The following FOXJ3 variants were observed in gnomAD, a reference collection of about 807,000 sequenced individuals.
FOXJ3 encodes the protein forkhead box J3.
Under a neutral mutation model 76.1 loss-of-function variants are expected in FOXJ3, and 22 were observed. The observed-to-expected ratio is 0.29, with a 90% CI of 0.21 to 0.41. The LOEUF is 0.41. Among genes scored for constraint, FOXJ3 ranks in the 10% least tolerant of loss-of-function variants. The pLI is 1.00. For missense variants in FOXJ3, 613 were observed against 762.1 expected, an observed-to-expected ratio of 0.80 and a Z score of 2.30; for synonymous variants, 269 against 261.2, an observed-to-expected ratio of 1.03 and a Z score of -0.29.
At chr1:42,251,361 A>G (rs1330614525) in intron 4 of FOXJ3, among the ~76,000 whole-genome samples, 1 of 152,216 alleles carries the variant, frequency 6.6e-6, no homozygotes, top group Admixed American at 6.5e-5. Flanking sequence ...CATACCCAGA[A>G]AAAAGTATAC....
chr1:42,254,792 C>G, intron 4 of FOXJ3, among the ~76,000 whole-genome samples: 1 of 140,650 alleles, frequency 7.1e-6, no homozygotes, highest in Non-Finnish European at 1.5e-5. Context: ...GGAAGGGGAA[C>G]ATCACACTCT....
At chr1:42,319,848 G>GA (rs1032838081) in intron 1 of FOXJ3, among the ~76,000 whole-genome samples, 1 of 152,074 alleles carries the variant, frequency 6.6e-6, no homozygotes, top group African/African-American at 2.4e-5. Flanking sequence ...AACAACTCTA[G>GA]AAAAAACAAT....
rs74795534 is a variant in FOXJ3, at chr1:42,285,680, G to T, written c.45-7008C>A. Among the ~76,000 whole-genome samples the T allele has an allele frequency of 2.8e-3, 422 of 151,270 alleles. 5 individuals carry two copies. In the East Asian group the frequency reaches 0.035, roughly 13 times the overall value. ...GATAGTGGACAAGGTAAGATTCCTT[G>T]AAAGACCATAAAGGACAATGAAAAT... is the stretch of plus-strand genomic sequence containing the variant. On this transcript the variant is annotated intron_variant, in intron 2 of 12. Coordinates refer to ENST00000361346, the MANE Select transcript of FOXJ3 (RefSeq NM_014947.5).
chr1:42,287,164 C>G (rs904509723), intron 2 of FOXJ3, among the ~76,000 whole-genome samples: 3 of 151,282 alleles, frequency 2.0e-5, no homozygotes, highest in African/African-American at 4.9e-5. Flanking sequence ...CATGGTGAAA[C>G]CCGATCTCTA....
rs1351192002 is a variant in FOXJ3 at position 42,191,426 on chromosome 1, G to A, written c.1228C>T (p.Leu410Phe). 3 of 1,612,128 alleles carry A rather than the reference G, an allele frequency of 1.9e-6. No homozygotes were observed. Among genetic ancestry groups the A allele is most frequent in the Admixed American group, 1.7e-5 (1 of 60,000 alleles). Residue 410 changes from leucine (L) to phenylalanine (F), a missense_variant, in exon 9 of 13, where the codon CTC becomes TTC. Physicochemically the swap from Leu to Phe is conservative, Grantham distance 22 (BLOSUM62 0). This residue lies in a region of FOXJ3 where 526 missense variants were observed against 601.4 expected (regional missense o/e 0.87). Transcript: ENST00000361346. Reference protein sequence around the residue: ...PAPHPQQHSQLQSPHPQHPSP... With the variant: ...PAPHPQQHSQFQSPHPQHPSP... Reference sequence around the variant, plus strand: ...GGATGCTGGGGGTGAGGGGACTGGAGCTGGCTGTGTTGCTGTGGGTGTGGT... The same window carrying A: ...GGATGCTGGGGGTGAGGGGACTGGAACTGGCTGTGTTGCTGTGGGTGTGGT...
intron 4 of FOXJ3, 192 bp downstream of exon 4, chr1:42,264,923 A>G (rs1651352148): frequency 1.7e-6 from 1 of 574,496 alleles, no homozygotes; most frequent in Admixed American, 3.6e-5. Flanking sequence ...GTACAACAGC[A>G]CTGTGGTGTG....
At chr1:42,292,719 G>A (rs1653521852) in intron 2 of FOXJ3, among the ~76,000 whole-genome samples, 2 of 152,176 alleles carry the variant, frequency 1.3e-5, no homozygotes, top group Admixed American at 1.3e-4. Context: ...CCACATTGAT[G>A]TGGTGATGAT....
chr1:42,330,420 T>G (rs1656088109), intron 1 of FOXJ3, among the ~76,000 whole-genome samples: 1 of 152,154 alleles, frequency 6.6e-6, no homozygotes, highest in Admixed American at 6.5e-5. Flanking sequence ...GGCGGATCAC[T>G]TGAGCCCGGG....
chr1:42,255,469 G>A (rs1156340275), intron 4 of FOXJ3, among the ~76,000 whole-genome samples: 1 of 152,044 alleles, frequency 6.6e-6, no homozygotes, highest in African/African-American at 2.4e-5. Flanking sequence ...AAGAACAAAA[G>A]AAAAACAAAC....
chr1:42,192,605 A>C (rs1646571634), intron 8 of FOXJ3, among the ~76,000 whole-genome samples: 1 of 152,236 alleles, frequency 6.6e-6, no homozygotes, highest in Non-Finnish European at 1.5e-5. Flanking sequence ...GATTAAGCCA[A>C]AAATGTTTAA....
chr1:42,258,849 A>G (rs1166194081), intron 4 of FOXJ3, among the ~76,000 whole-genome samples: 1 of 152,216 alleles, frequency 6.6e-6, no homozygotes, highest in African/African-American at 2.4e-5. Context: ...TATCATAACG[A>G]ATTCCCAAGA....
At chr1:42,260,264 G>A (rs1650933574) in intron 4 of FOXJ3, among the ~76,000 whole-genome samples, 1 of 151,886 alleles carries the variant, frequency 6.6e-6, no homozygotes, top group South Asian at 2.1e-4. Flanking sequence ...ACCAAAATGG[G>A]ATACCAGAGA....
At chr1:42,207,932 C>A (rs1646892457) in intron 5 of FOXJ3, among the ~76,000 whole-genome samples, 1 of 152,220 alleles carries the variant, frequency 6.6e-6, no homozygotes, top group Non-Finnish European at 1.5e-5. Context: ...TAAGTTAACA[C>A]AGAAGATTAC....
At chr1:42,325,437 G>C (rs1332230999) in intron 1 of FOXJ3, among the ~76,000 whole-genome samples, 2 of 152,160 alleles carry the variant, frequency 1.3e-5, no homozygotes, top group African/African-American at 4.8e-5. Flanking sequence ...GGACATCTCT[G>C]ATTTTTCTCC....
At chr1:42,319,809 G>C (rs1000984907) in intron 1 of FOXJ3, among the ~76,000 whole-genome samples, 3 of 152,058 alleles carry the variant, frequency 2.0e-5, no homozygotes. Flanking sequence ...AACAGGAAAG[G>C]GTGAGTAAAA....
At chr1:42,252,781 T>C (rs1029352900) in intron 4 of FOXJ3, among the ~76,000 whole-genome samples, 5 of 152,218 alleles carry the variant, frequency 3.3e-5, no homozygotes, top group Non-Finnish European at 7.3e-5. Flanking sequence ...TAAATTTCCC[T>C]CTACACATTT....
chr1:42,194,226 C>T (rs1247184510), intron 8 of FOXJ3, among the ~76,000 whole-genome samples: 1 of 152,210 alleles, frequency 6.6e-6, no homozygotes, highest in East Asian at 1.9e-4. Flanking sequence ...TCTGACAATT[C>T]ATCTCTGGGG....
intron 7 of FOXJ3, among the ~76,000 whole-genome samples, chr1:42,197,100 G>C (rs761398371): frequency 1.4e-4 from 22 of 152,102 alleles, no homozygotes; most frequent in African/African-American, 4.3e-4. Flanking sequence ...TCTTTCTCTT[G>C]CCTTCACATA....
chr1:42,199,388 G>C (rs1474274054), intron 6 of FOXJ3, among the ~76,000 whole-genome samples, 158 bp from the exon 7 acceptor site: 2 of 152,074 alleles, frequency 1.3e-5, no homozygotes, highest in East Asian at 3.8e-4. Flanking sequence ...GGCTAAGTTC[G>C]TGTTCATCAT....
Sources: allele counts gnomAD v4.1 joint callset (sites outside exome capture counted in the v4.1 genomes callset), GRCh38; gene constraint gnomAD v4.1.1; regional missense constraint gnomAD v4.1.1; transcripts MANE v1.5; gene names NCBI Gene and HGNC (gene_info 2026-07-23, HGNC 2026-07-21).